LPXN: variants seen among roughly 807,000 people sequenced by gnomAD.
LPXN encodes leupaxin.
LPXN carries 28 observed loss-of-function variants against 45.6 expected under a neutral mutation model. The ratio of observed to expected loss-of-function variants is 0.61; its 90% CI spans 0.45 to 0.84. The LOEUF is 0.84. Among genes scored for constraint, LPXN ranks in the 40% least tolerant of loss-of-function variants. The pLI is 0.00. For synonymous variants in LPXN, 166 were observed against 169.9 expected (o/e 0.98, Z 0.18); for missense variants, 459 against 475.0 (o/e 0.97, Z 0.31).
At chr11:58,570,178 C>T (rs1854643405) in intron 2 of LPXN, among the ~76,000 whole-genome samples, 1 of 151,898 alleles carries the variant, frequency 6.6e-6, no homozygotes, top group Non-Finnish European at 1.5e-5. Context: ...TGGTGCGTGC[C>T]TGTAATCCTA....
intron 7 of LPXN, among the ~76,000 whole-genome samples, chr11:58,539,309 C>G (rs1853646040): frequency 6.6e-6 from 1 of 152,104 alleles, no homozygotes; most frequent in Non-Finnish European, 1.5e-5. Flanking sequence ...GATCCTGTCT[C>G]TATAAAATTT....
In LPXN at chr11:58,527,128, C is replaced by A; in HGVS notation, c.*326G>T. ...TCACTAGAGGTGAAAATGGAGAAAC[C>A]TAAGAAAACCAGTGTTGGCATGAAT... On this transcript the variant is annotated 3_prime_UTR_variant, in exon 9 of 9. Coordinates refer to ENST00000395074, the MANE Select transcript of LPXN (RefSeq NM_004811.3). 1 of 230,726 alleles carries A rather than the reference C, an allele frequency of 4.3e-6. No homozygotes were observed. The highest frequency in any genetic ancestry group is 8.7e-6 in the Non-Finnish European group (1 of 114,916). 14.3% of individuals were successfully genotyped at this position (230,726 alleles called of 1,614,324 possible).
At chr11:58,565,404 G>A (rs933370978) in intron 2 of LPXN, among the ~76,000 whole-genome samples, 5 of 152,042 alleles carry the variant, frequency 3.3e-5, no homozygotes, top group African/African-American at 4.8e-5. Flanking sequence ...GTGGTGTTGC[G>A]TGCCTGTAAT....
At chr11:58,530,574 C>T (rs1455301937) in intron 7 of LPXN, among the ~76,000 whole-genome samples, 1 of 152,312 alleles carries the variant, frequency 6.6e-6, no homozygotes, top group South Asian at 2.1e-4. Flanking sequence ...AGATAAAACC[C>T]CCATCTCCCT....
intron 7 of LPXN, among the ~76,000 whole-genome samples, chr11:58,533,097 A>G (rs1853444964): frequency 6.6e-6 from 1 of 152,176 alleles, no homozygotes; most frequent in Admixed American, 6.5e-5. Context: ...AACCCATCAG[A>G]AAGAAGAAAC....
At position 58,553,663 on chromosome 11, in the gene LPXN, C is replaced by G. The variant is rs79010403; in HGVS notation, c.318+1178G>C. ...CTAAAGATAAGGTCCCTGCCCTCTC[C>G]AATCATATACATTTTTATATACTGC... On this transcript the variant is annotated intron_variant, in intron 4 of 8. Coordinates refer to ENST00000395074, the MANE Select transcript of LPXN (RefSeq NM_004811.3). Among the ~76,000 whole-genome samples the G allele has an allele frequency of 3.9e-3, 597 of 152,256 alleles. 3 individuals carry two copies. The highest frequency in any genetic ancestry group is 6.9e-3 in the Non-Finnish European group (470 of 68,022).
chr11:58,549,230 C>T (rs376804006), intron 7 of LPXN, among the ~76,000 whole-genome samples: 1 of 152,112 alleles, frequency 6.6e-6, no homozygotes, highest in Non-Finnish European at 1.5e-5. Context: ...ATTGTCCCTA[C>T]TAAAAATACA....
chr11:58,562,817 G>A (rs1048407514), intron 3 of LPXN, among the ~76,000 whole-genome samples: 3 of 152,118 alleles, frequency 2.0e-5, no homozygotes, highest in African/African-American at 7.2e-5. Context: ...ACTTGTGGGG[G>A]GGAAATGCCC....
intron 7 of LPXN, among the ~76,000 whole-genome samples, chr11:58,547,038 G>T (rs1327889980): frequency 6.6e-6 from 1 of 152,104 alleles, no homozygotes; most frequent in Non-Finnish European, 1.5e-5. Context: ...ACGACTCAGA[G>T]AGTTGGATAT....
At chr11:58,566,348 A>G (rs1014997946) in intron 2 of LPXN, among the ~76,000 whole-genome samples, 2 of 152,170 alleles carry the variant, frequency 1.3e-5, no homozygotes, top group South Asian at 2.1e-4. Context: ...TTAGATTAAA[A>G]TATGTAAATA....
intron 3 of LPXN, among the ~76,000 whole-genome samples, chr11:58,555,881 T>C (rs1311462381): frequency 1.3e-5 from 2 of 151,546 alleles, no homozygotes; most frequent in Non-Finnish European, 2.9e-5. Flanking sequence ...AGATCAGAAA[T>C]AAATAAAACT....
chr11:58,560,275 C>T (rs779850417), intron 3 of LPXN, among the ~76,000 whole-genome samples: 1 of 152,174 alleles, frequency 6.6e-6, no homozygotes, highest in African/African-American at 2.4e-5. Flanking sequence ...CACACATACA[C>T]ACACAATGGT....
At chr11:58,556,272 G>C (rs1854202076) in intron 3 of LPXN, among the ~76,000 whole-genome samples, 1 of 151,882 alleles carries the variant, frequency 6.6e-6, no homozygotes, top group Non-Finnish European at 1.5e-5. Context: ...TTAACAAATA[G>C]GAGAAAAGCT....
chr11:58,569,687 C>T (rs1474264462), intron 2 of LPXN, among the ~76,000 whole-genome samples: 1 of 152,054 alleles, frequency 6.6e-6, no homozygotes, highest in Non-Finnish European at 1.5e-5. Flanking sequence ...ACTGCACCTG[C>T]CCTAGGTTTT....
At chr11:58,572,701 G>C (rs1854745655) in intron 1 of LPXN, among the ~76,000 whole-genome samples, 2 of 151,980 alleles carry the variant, frequency 1.3e-5, no homozygotes. Flanking sequence ...TTATGGCAAT[G>C]GCATTACAGT....
At position 58,564,755 on chromosome 11, in the gene LPXN, T is replaced by A. The variant is rs1281985150; in HGVS notation, c.172-554A>T. 2.0e-5 allele frequency among the ~76,000 whole-genome samples: 3 copies of A among 152,146 alleles called. No individual in the cohort carries two copies. In the East Asian group the frequency reaches 5.8e-4, roughly 29 times the overall value. The stretch of plus-strand genomic sequence containing the variant: ...TTACATTCTGGTGCTGTGAAACAAA[T>A]AATAAAGAAATTGGTATGTAAAAGT... On this transcript the variant is annotated intron_variant, in intron 2 of 8. Coordinates refer to ENST00000395074, the MANE Select transcript of LPXN (RefSeq NM_004811.3).
At position 58,549,862 on chromosome 11, in the gene LPXN, C is replaced by G; in HGVS notation, c.666G>C (p.Val222=). 6.2e-7 allele frequency: 1 copy of G among 1,614,124 alleles called. No individual in the cohort carries two copies. The highest frequency in any genetic ancestry group is 8.5e-7 in the Non-Finnish European group (1 of 1,180,012). ...AYCAAPILDK[V]LTAMNQTWHP... is the part of the protein sequence containing the mutation. ...GCCAGGTCTGGTTCATTGCTGTCAG[C>G]ACTTTCTGGAAAGGGAACACACAGA... The change falls in exon 7 of 9, where the codon GTG becomes GTC. Residue 222 remains valine (V), a synonymous_variant. Coordinates refer to ENST00000395074, the MANE Select transcript of LPXN (RefSeq NM_004811.3).
chr11:58,571,514 G>GT (rs1408558234), intron 1 of LPXN, among the ~76,000 whole-genome samples: 1 of 151,856 alleles, frequency 6.6e-6, no homozygotes, highest in Non-Finnish European at 1.5e-5. Flanking sequence ...TCCTGAGCAC[G>GT]TAACAAAATT....
At chr11:58,566,921 T>C (rs1269805135) in intron 2 of LPXN, among the ~76,000 whole-genome samples, 1 of 152,190 alleles carries the variant, frequency 6.6e-6, no homozygotes, top group Admixed American at 6.5e-5. Context: ...ATATAGTCAT[T>C]CTGAAATGTT....
Sources: allele counts gnomAD v4.1 joint callset (sites outside exome capture counted in the v4.1 genomes callset), GRCh38; gene constraint gnomAD v4.1.1; transcripts MANE v1.5; gene names NCBI Gene and HGNC (gene_info 2026-07-23, HGNC 2026-07-21).